Variants in ZMYM6 observed in about 807,000 individuals in gnomAD.
ZMYM6 encodes the protein zinc finger MYM-type protein 6.
A neutral mutation model predicts 134.0 loss-of-function variants in ZMYM6; 90 were observed. The ratio of observed to expected loss-of-function variants is 0.67; its 90% CI spans 0.57 to 0.80. The LOEUF (loss-of-function observed/expected upper bound fraction) is 0.80. ZMYM6 is among the 30% of genes least tolerant of loss of function. The pLI, the probability that ZMYM6 is intolerant of heterozygous loss-of-function variation, is 0.00. For synonymous variants in ZMYM6, 481 were observed against 524.1 expected (o/e 0.92, Z 1.12); for missense variants, 1,362 against 1,533.9 (o/e 0.89, Z 1.87).
At chr1:35,002,576 T>C (rs1458294225) in intron 14 of ZMYM6, among the ~76,000 whole-genome samples, 2 of 152,208 alleles carry the variant, frequency 1.3e-5, no homozygotes, top group African/African-American at 2.4e-5. Flanking sequence ...TATTCCATTA[T>C]CATTGCCTGG....
At chr1:35,023,426 T>G (rs1641348345) in intron 2 of ZMYM6, among the ~76,000 whole-genome samples, 1 of 152,184 alleles carries the variant, frequency 6.6e-6, no homozygotes, top group East Asian at 1.9e-4. Flanking sequence ...GTTCTCATAC[T>G]TATTTATTAG....
At chr1:35,021,890 CT>C (rs369049946) in intron 2 of ZMYM6, among the ~76,000 whole-genome samples, 18 of 151,772 alleles carry the variant, frequency 1.2e-4, no homozygotes, top group Non-Finnish European at 2.2e-4. Context: ...TGCAACCATC[CT>C]TTTTTTTAAT....
At chr1:35,003,286 T>C (rs1557568021) in intron 14 of ZMYM6, among the ~76,000 whole-genome samples, 1 of 152,120 alleles carries the variant, frequency 6.6e-6, no homozygotes, top group East Asian at 1.9e-4. Context: ...AATTTTGTTT[T>C]CCTGCTAAAG....
At position 34,988,941 on chromosome 1, in the gene ZMYM6, T is replaced by C; in HGVS notation, c.2147-6A>G. 6.2e-7 allele frequency: 1 copy of C among 1,602,412 alleles called. No homozygotes were observed. Among genetic ancestry groups the C allele is most frequent in the Non-Finnish European group, 8.5e-7 (1 of 1,177,280 alleles). ...TTCATTAGGCATAGGTAAATCTGAA[T>C]GAAATATTTGAATCACTGTTATTTT... is the stretch of plus-strand genomic sequence containing the variant. On this transcript the variant is annotated splice_region_variant and splice_polypyrimidine_tract_variant and intron_variant, in intron 15 of 15. Coordinates refer to ENST00000357182, the MANE Select transcript of ZMYM6 (RefSeq NM_007167.4).
At chr1:35,024,747 A>G (rs1641375792) in intron 2 of ZMYM6, among the ~76,000 whole-genome samples, 2 of 152,184 alleles carry the variant, frequency 1.3e-5, no homozygotes, top group African/African-American at 4.8e-5. Flanking sequence ...GTCAATTTTT[A>G]TAATACAATT....
intron 2 of ZMYM6, among the ~76,000 whole-genome samples, chr1:35,025,552 T>C (rs767396272): frequency 3.3e-5 from 5 of 151,722 alleles, no homozygotes; most frequent in African/African-American, 4.8e-5. Flanking sequence ...CAATTAGGTT[T>C]AAATGAGAAT....
chr1:35,005,106 C>A, intron 13 of ZMYM6, 26 bp downstream of exon 13: 1 of 1,612,920 alleles, frequency 6.2e-7, no homozygotes, highest in Non-Finnish European at 8.5e-7. Flanking sequence ...TATGGCTTAG[C>A]CAAATGCCAT....
At chr1:34,995,219 C>CTA (rs1255376334) in intron 14 of ZMYM6, among the ~76,000 whole-genome samples, 7 of 147,758 alleles carry the variant, frequency 4.7e-5, no homozygotes, top group East Asian at 2.0e-4. Context: ...AGTGCTCTCT[C>CTA]TCTATATATA....
At chr1:35,002,903 C>T (rs2184188) in intron 14 of ZMYM6, among the ~76,000 whole-genome samples, 32,796 of 152,036 alleles carry the variant, frequency 0.22, 8,421 homozygotes, top group African/African-American at 0.61. Context: ...TGGGCACCAT[C>T]GGCTCATGCC....
Position 35,011,049 on chromosome 1 carries a change from A to C in ZMYM6, c.1063-13T>G. The C allele has an allele frequency of 6.2e-7, 1 of 1,606,536 alleles. No individual in the cohort carries two copies. Among genetic ancestry groups the C allele is most frequent in the Non-Finnish European group, 8.5e-7 (1 of 1,178,132 alleles). ...TGCTAAATACATTCTGAATGAAAAC[A>C]AATAAGGTAAAGATTTTATCAACTG... On this transcript the variant is annotated splice_polypyrimidine_tract_variant and intron_variant, in intron 8 of 15. Transcript: ENST00000357182.
At chr1:35,026,958 A>T (rs1356383110) in intron 2 of ZMYM6, among the ~76,000 whole-genome samples, 2 of 152,150 alleles carry the variant, frequency 1.3e-5, no homozygotes, top group African/African-American at 4.8e-5. Flanking sequence ...TATGAAGACA[A>T]AATTCATTGA....
At chr1:34,995,562 T>C (rs1640770649) in intron 14 of ZMYM6, among the ~76,000 whole-genome samples, 1 of 152,142 alleles carries the variant, frequency 6.6e-6, no homozygotes, top group African/African-American at 2.4e-5. Context: ...CTTAATGTGC[T>C]GTACTCATCC....
Position 35,020,441 on chromosome 1 carries a change from T to C in ZMYM6, c.120A>G (p.Lys40=). 2 of 1,611,910 alleles carry C rather than the reference T, an allele frequency of 1.2e-6. No homozygotes were observed. The highest frequency in any genetic ancestry group is 4.5e-5 in the East Asian group (2 of 44,738). ...AQEYGCVQQP[K]TQESKLKIGG... ...CAATTTTCAATTTACTTTCTTGAGT[T>C]TTTGGCTGTTGGACACATCCATACT... Residue 40 remains lysine, a synonymous_variant, in exon 3 of 16, where the codon AAA becomes AAG. Transcript: ENST00000357182.
At chr1:35,007,933 A>G (rs1017025245) in intron 11 of ZMYM6, among the ~76,000 whole-genome samples, 3 of 152,232 alleles carry the variant, frequency 2.0e-5, no homozygotes, top group Admixed American at 6.5e-5. Context: ...AGCAGCTTAC[A>G]GTAGTTGATA....
intron 15 of ZMYM6, 140 bp downstream of exon 15, chr1:34,992,094 T>A: frequency 1.9e-6 from 2 of 1,037,588 alleles, no homozygotes; most frequent in South Asian, 2.7e-5. Context: ...ATAAATTAAG[T>A]ATTCAAAGCA....
At chr1:35,013,659 A>T in intron 6 of ZMYM6, 1 of 985,252 alleles carries the variant, frequency 1.0e-6, no homozygotes, top group Admixed American at 6.1e-5. Flanking sequence ...AAGTTTAATT[A>T]TCATTTACAA....
Position 35,005,246 on chromosome 1 carries a change from C to A in ZMYM6, c.1840G>T (p.Val614Leu). ...KVNISKAKTAVTELPSARTDT... is the reference protein window; with the variant it reads ...KVNISKAKTALTELPSARTDT... ...GTCCTTGCAGAAGGGAGCTCCGTCACAGCAGTTTTTGCTTTAGAAATATTT... is the reference window on the plus strand; with the variant it reads ...GTCCTTGCAGAAGGGAGCTCCGTCAAAGCAGTTTTTGCTTTAGAAATATTT... The change falls in exon 13 of 16, where the codon GTG becomes TTG. Residue 614 changes from valine (V) to leucine (L), a missense_variant. Val to Leu is a conservative substitution (Grantham distance 32). This residue lies in a region of ZMYM6 where 824 missense variants were observed against 940.9 expected (regional missense o/e 0.88). Coordinates refer to ENST00000357182, the MANE Select transcript of ZMYM6 (RefSeq NM_007167.4). 1 of 1,614,054 alleles carries A rather than the reference C, an allele frequency of 6.2e-7. No homozygotes were observed. The highest frequency in any genetic ancestry group is 8.5e-7 in the Non-Finnish European group (1 of 1,180,002).
intron 2 of ZMYM6, among the ~76,000 whole-genome samples, chr1:35,025,466 C>CAAAAAAAAAAAAAAAAAAAAAA (rs1161814959): frequency 3.6e-5 from 2 of 55,008 alleles, no homozygotes; most frequent in African/African-American, 5.6e-5. Flanking sequence ...GACTCCATCC[C>CAAAAAAAAAAAAAAAAAAAAAA]AAAAAAAAAA....
At chr1:35,022,967 T>A (rs577127174) in intron 2 of ZMYM6, among the ~76,000 whole-genome samples, 33 of 152,056 alleles carry the variant, frequency 2.2e-4, no homozygotes, top group Non-Finnish European at 4.3e-4. Context: ...AATTTCTTTA[T>A]CTGTAAAATA....
Sources: gnomAD v4.1 joint callset for allele counts (sites outside exome capture counted in the v4.1 genomes callset) on GRCh38, gnomAD v4.1.1 for gene constraint, gnomAD v4.1.1 regional missense constraint, MANE v1.5 for transcripts, NCBI Gene and HGNC (gene_info 2026-07-23, HGNC 2026-07-21) for gene names.